Variants in TDRD12 observed in about 807,000 individuals in gnomAD.
TDRD12 encodes tudor domain containing 12, also known as putative ATP-dependent RNA helicase TDRD12.
In TDRD12, 158 loss-of-function variants were observed where a neutral mutation model predicts 133.5. The observed-to-expected ratio is 1.18, with a 90% confidence interval of 1.04 to 1.35. The LOEUF (loss-of-function observed/expected upper bound fraction) is 1.35, where lower values mean the gene tolerates loss of function less well. Among genes scored for constraint, TDRD12 ranks in the 40% most tolerant of loss-of-function variants. The pLI is 0.00. For synonymous variants in TDRD12, 460 were observed against 477.9 expected (o/e 0.96, Z 0.49); for missense variants, 1,443 against 1,321.3 (o/e 1.09, Z -1.43).
At chr19:32,732,334 T>A (rs1157221160) in intron 2 of TDRD12, among the ~76,000 whole-genome samples, 1 of 152,132 alleles carries the variant, frequency 6.6e-6, no homozygotes, top group African/African-American at 2.4e-5. Flanking sequence ...TGCACAAGAT[T>A]CAGGCTAGTC....
intron 11 of TDRD12, among the ~76,000 whole-genome samples, chr19:32,782,916 C>T (rs1970809760): frequency 6.6e-6 from 1 of 151,796 alleles, no homozygotes; most frequent in South Asian, 2.1e-4. Flanking sequence ...ATTCTGTAGG[C>T]TGTTCATTAT....
intron 11 of TDRD12, among the ~76,000 whole-genome samples, chr19:32,788,176 G>T (rs1202566528): frequency 6.6e-6 from 1 of 151,548 alleles, no homozygotes; most frequent in Non-Finnish European, 1.5e-5. Context: ...AGGCTGGAGT[G>T]CAGTGGTGCG....
chr19:32,800,380 T>C (rs1224292370), intron 17 of TDRD12, 22 bp downstream of exon 17: 59 of 1,456,842 alleles, frequency 4.0e-5, no homozygotes, highest in Admixed American at 7.6e-5. Context: ...TGTATGTGTA[T>C]GTGTATGTGT....
chr19:32,756,104 C>T (rs1301918339), exon 7 of TDRD12: 7 of 1,479,732 alleles, frequency 4.7e-6, no homozygotes, highest in Non-Finnish European at 6.2e-6. Flanking sequence ...AAATCAGCAC[C>T]CTCCTTCAAT....
intron 1 of TDRD12, among the ~76,000 whole-genome samples, chr19:32,724,019 G>T (rs28564757): frequency 0.051 from 7,746 of 151,736 alleles, 348 homozygotes; most frequent in South Asian, 0.12. Context: ...CCCCACTCCT[G>T]GTTAATTAAA....
chr19:32,752,679 G>A (rs1310712990), intron 6 of TDRD12, among the ~76,000 whole-genome samples: 15 of 151,682 alleles, frequency 9.9e-5, no homozygotes, highest in Admixed American at 7.9e-4. Context: ...AGGGGCTTTT[G>A]TATACTTTCA....
Position 32,776,870 on chromosome 19 carries a change from T to C in TDRD12, c.1041-279T>C, listed in dbSNP as rs1190994798. On this transcript the variant is annotated intron_variant, in intron 10 of 27. Transcript: ENST00000444215. ...CAGAAAATAAAGATATTTTCAGGAT[T>C]GGGGTAAAGGGGTTCACAATTTTTC... Among the ~76,000 whole-genome samples the C allele has an allele frequency of 2.0e-5, 3 of 152,170 alleles. 1 individual carries two copies. The highest frequency in any genetic ancestry group is 4.4e-5 in the Non-Finnish European group (3 of 68,030).
chr19:32,794,092 CTTTTTTTTTTTTTTT>C (rs751938374), intron 13 of TDRD12, among the ~76,000 whole-genome samples: 1 of 49,828 alleles, frequency 2.0e-5, no homozygotes, highest in African/African-American at 9.1e-5. Context: ...CTGTGCCTGG[CTTTTTTTTTTTTTTT>C]TTTTTTTTTT....
chr19:32,815,332 G>A lies in TDRD12; in HGVS notation c.3142-116G>A, dbSNP rs894449970. 8 of 844,658 alleles carry A rather than the reference G, an allele frequency of 9.5e-6. No individual in the cohort carries two copies. In the East Asian group the frequency reaches 1.1e-4, roughly 11 times the overall value. The allele number at this position is 844,658 out of a possible 1,614,324, so 52.3% of individuals were successfully genotyped here. On this transcript the variant is annotated intron_variant, in intron 25 of 27. Transcript: ENST00000444215. ...AGCCCTGCACGTTGTGGCAAGCGCCGAAGTGCAGCCAACGTGGCAGGCTGA... is the reference window on the plus strand; with the variant it reads ...AGCCCTGCACGTTGTGGCAAGCGCCAAAGTGCAGCCAACGTGGCAGGCTGA...
At chr19:32,720,139 C>T (rs745559237) in intron 1 of TDRD12, 43 bp downstream of exon 1, 231 of 1,480,418 alleles carry the variant, frequency 1.6e-4, no homozygotes, top group Non-Finnish European at 2.1e-4. Context: ...CCACGCAGTC[C>T]CCCACCCCCA....
intron 27 of TDRD12, among the ~76,000 whole-genome samples, chr19:32,819,672 G>T (rs755041127): frequency 2.0e-5 from 3 of 152,148 alleles, no homozygotes; most frequent in Non-Finnish European, 2.9e-5. Flanking sequence ...TTCACAGAGA[G>T]CCTGCTAGAA....
rs1006934402 is a variant in TDRD12, at chr19:32,799,874, A to G, written c.1759-293A>G. Among the ~76,000 whole-genome samples, 3 of 151,462 alleles carry G rather than the reference A, an allele frequency of 2.0e-5. No homozygotes were observed. In the South Asian group the frequency reaches 6.3e-4, roughly 32 times the overall value. On this transcript the variant is annotated intron_variant, in intron 16 of 27. Transcript: ENST00000444215. Reference sequence around the variant, plus strand: ...CTCAGCCTCCCGAGTAGCTGGGATTACAGGTGCACACCACCACACCCAGCT... The same window carrying G: ...CTCAGCCTCCCGAGTAGCTGGGATTGCAGGTGCACACCACCACACCCAGCT...
chr19:32,828,390 G>A (rs186122938), exon 10 of TDRD12: 2 of 152,172 alleles, frequency 1.3e-5, no homozygotes, highest in South Asian at 4.2e-4. Context: ...TGCAGCACTG[G>A]GGGGGGTCAC....
chr19:32,784,132 T>G (rs1337033203), intron 11 of TDRD12, among the ~76,000 whole-genome samples: 1 of 152,186 alleles, frequency 6.6e-6, no homozygotes, highest in Non-Finnish European at 1.5e-5. Context: ...TGTGGGTTTG[T>G]CATAAATACC....
intron 14 of TDRD12, among the ~76,000 whole-genome samples, chr19:32,796,945 G>A (rs1332776906): frequency 1.3e-5 from 2 of 151,692 alleles, no homozygotes; most frequent in Non-Finnish European, 2.9e-5. Context: ...AGAGGGCAGG[G>A]TTCAGAAGAT....
chr19:32,817,715 C>A (rs1296164403), intron 26 of TDRD12, among the ~76,000 whole-genome samples: 1 of 151,598 alleles, frequency 6.6e-6, no homozygotes, highest in African/African-American at 2.4e-5. Flanking sequence ...TTGCCTGTTC[C>A]AGCAGCCATG....
At chr19:32,787,666 A>G (rs551544797) in intron 11 of TDRD12, among the ~76,000 whole-genome samples, 12 of 152,242 alleles carry the variant, frequency 7.9e-5, no homozygotes, top group Admixed American at 2.6e-4. Context: ...CCCTCCCCAC[A>G]CCAAGCTCCC....
intron 2 of TDRD12, 114 bp downstream of exon 2, chr19:32,731,997 A>G (rs1969072081): frequency 9.1e-7 from 1 of 1,103,542 alleles, no homozygotes; most frequent in Non-Finnish European, 1.2e-6. Context: ...TCTTACACTC[A>G]GTGCCTTGTG....
chr19:32,804,788 G>A (rs150976907), intron 21 of TDRD12, among the ~76,000 whole-genome samples: 1,858 of 151,894 alleles, frequency 0.012, 41 homozygotes, highest in African/African-American at 0.042. Flanking sequence ...CCTGGGAAGC[G>A]GAGGTTGCAG....
Sources: allele counts gnomAD v4.1 joint callset (sites outside exome capture counted in the v4.1 genomes callset), GRCh38; gene constraint gnomAD v4.1.1; transcripts MANE v1.5; gene names NCBI Gene and HGNC (gene_info 2026-07-23, HGNC 2026-07-21).